The following LARGE1 variants were observed in gnomAD, a reference collection of about 807,000 sequenced individuals.
LARGE1 encodes the protein xylosyl- and glucuronyltransferase LARGE1.
In LARGE1, 43 loss-of-function variants were observed where a neutral mutation model predicts 87.6. That is an observed-to-expected ratio of 0.49 (90% confidence interval 0.38 to 0.63). The LOEUF (loss-of-function observed/expected upper bound fraction) is 0.63, where lower values mean the gene tolerates loss of function less well. Ranked by LOEUF, LARGE1 falls within the 30% of genes least tolerant of loss-of-function variation. The pLI, the probability that LARGE1 is intolerant of heterozygous loss-of-function variation, is 0.00. For missense variants in LARGE1, 802 were observed against 1,000.2 expected, an observed-to-expected ratio of 0.80 and a Z score of 2.67; for synonymous variants, 434 against 394.6, an observed-to-expected ratio of 1.10 and a Z score of -1.18.
At position 33,688,187 on chromosome 22, in the gene LARGE1, T is replaced by C. The variant is rs73882295; in HGVS notation, c.107-37519A>G. 5.7e-3 allele frequency among the ~76,000 whole-genome samples: 864 copies of C among 152,268 alleles called. 8 individuals are homozygous for C. Among genetic ancestry groups the C allele is most frequent in the African/African-American group, 0.02 (827 of 41,542 alleles). On this transcript the variant is annotated intron_variant, in intron 2 of 14. Coordinates refer to ENST00000397394, the MANE Select transcript of LARGE1 (RefSeq NM_133642.5). ...TCTATCTCAATGTCCACCTATAAAG[T>C]AGAGGTGAGAAGAGTCCCTCCCTCA...
In LARGE1 at chr22:33,469,273, A is replaced by C. The variant is rs188225420; in HGVS notation, c.788-37008T>G. On this transcript the variant is annotated intron_variant, in intron 6 of 14. Transcript: ENST00000397394. Reference sequence around the variant, plus strand: ...ACTATTCACAATAGCAAAGGCATGGAATCAACCTAGATGCCCATCAACAGT... The same window carrying C: ...ACTATTCACAATAGCAAAGGCATGGCATCAACCTAGATGCCCATCAACAGT... 3.3e-4 allele frequency among the ~76,000 whole-genome samples: 51 copies of C among 152,352 alleles called. No homozygotes were observed. In the East Asian group the frequency reaches 8.1e-3, roughly 24 times the overall value.
intron 2 of LARGE1, among the ~76,000 whole-genome samples, chr22:33,727,233 G>A (rs1326146762): frequency 6.6e-6 from 1 of 152,190 alleles, no homozygotes; most frequent in East Asian, 1.9e-4. Context: ...ATGTCAGACT[G>A]TGCCAAGGGA....
the LARGE1 span, among the ~76,000 whole-genome samples, chr22:33,144,748 A>G: frequency 6.6e-6 from 1 of 152,188 alleles, no homozygotes; most frequent in Non-Finnish European, 1.5e-5. Context: ...AGTATTCATC[A>G]TACATCTTTT....
At chr22:33,361,586 G>A (rs5998894) in intron 9 of LARGE1, among the ~76,000 whole-genome samples, 4,363 of 149,380 alleles carry the variant, frequency 0.029, 401 homozygotes, top group African/African-American at 0.1. Flanking sequence ...GGGGCTGAGG[G>A]GTAGTGTGAG....
At chr22:33,169,161 T>A (rs1339293184) in intron 11 of LARGE1, among the ~76,000 whole-genome samples, 1 of 152,230 alleles carries the variant, frequency 6.6e-6, no homozygotes, top group East Asian at 1.9e-4. Flanking sequence ...TTGTATAAGA[T>A]ATGATAAAGA....
At chr22:33,510,096 C>G (rs771062301) in intron 6 of LARGE1, among the ~76,000 whole-genome samples, 24 of 152,110 alleles carry the variant, frequency 1.6e-4, no homozygotes, top group Non-Finnish European at 2.6e-4. Flanking sequence ...GCTCATTATT[C>G]TACTTAATAA....
chr22:33,176,981 A>G (rs1358187343), intron 11 of LARGE1, among the ~76,000 whole-genome samples: 2 of 152,220 alleles, frequency 1.3e-5, no homozygotes, highest in Non-Finnish European at 2.9e-5. Context: ...GCAGCCATAA[A>G]AAAGGATGAG....
chr22:33,722,378 A>G (rs1397205315), intron 2 of LARGE1, among the ~76,000 whole-genome samples: 1 of 148,930 alleles, frequency 6.7e-6, no homozygotes, highest in Non-Finnish European at 1.5e-5. Flanking sequence ...AAGGAAAGGA[A>G]GGAAAGGAAG....
chr22:33,144,918 A>G, the LARGE1 span, among the ~76,000 whole-genome samples: 1 of 152,004 alleles, frequency 6.6e-6, no homozygotes, highest in Non-Finnish European at 1.5e-5. Context: ...CCAAGAAACA[A>G]CCTCTACAGT....
chr22:33,821,437 A>C (rs766590900), intron 1 of LARGE1, among the ~76,000 whole-genome samples: 3 of 152,188 alleles, frequency 2.0e-5, no homozygotes, highest in Non-Finnish European at 4.4e-5. Context: ...AGAGGCCATG[A>C]CTTACACTTC....
chr22:33,155,019 A>G, the LARGE1 span, among the ~76,000 whole-genome samples: 2 of 152,162 alleles, frequency 1.3e-5, no homozygotes, highest in Middle Eastern at 3.2e-3. Context: ...TTCACCTTCC[A>G]CCATGATTGT....
chr22:33,089,321 T>TTCTTTCTTCTTCTTCTTCTTCTTCTTC, the LARGE1 span, among the ~76,000 whole-genome samples: 57 of 87,086 alleles, frequency 6.5e-4, no homozygotes, highest in East Asian at 1.8e-3. Context: ...TTCTTTCTTC[T>TTCTTTCTTCTTCTTCTTCTTCTTCTTC]TTCTTCTTCT....
chr22:33,298,357 C>T (rs1050299164), intron 12 of LARGE1, among the ~76,000 whole-genome samples: 2 of 152,256 alleles, frequency 1.3e-5, no homozygotes, highest in Admixed American at 6.5e-5. Flanking sequence ...AGGCATGGAA[C>T]AAAGAATGTT....
In LARGE1 at chr22:33,703,863, T is replaced by C. The variant is rs1012885843; in HGVS notation, c.107-53195A>G. Among the ~76,000 whole-genome samples the C allele has an allele frequency of 5.9e-5, 9 of 152,378 alleles. 2 individuals are homozygous for C. The highest frequency in any genetic ancestry group is 6.5e-5 in the Admixed American group (1 of 15,308). ...TTTTAAGCCACTAAGTTTATGGTGA[T>C]TTGATACAGTAGCAACAGAAAACTA... On this transcript the variant is annotated intron_variant, in intron 2 of 14. Transcript: ENST00000397394.
At chr22:33,442,850 T>C (rs888594071) in intron 6 of LARGE1, among the ~76,000 whole-genome samples, 11 of 151,306 alleles carry the variant, frequency 7.3e-5, no homozygotes, top group Admixed American at 6.6e-4. Context: ...TGGAGTGCAG[T>C]GGCACTATCT....
At chr22:33,187,412 C>T (rs1923531942) in intron 11 of LARGE1, among the ~76,000 whole-genome samples, 1 of 152,042 alleles carries the variant, frequency 6.6e-6, no homozygotes, top group African/African-American at 2.4e-5. Context: ...TGCATGATCT[C>T]ACTTATATGT....
chr22:33,181,224 C>T (rs137367), intron 11 of LARGE1, among the ~76,000 whole-genome samples: 92,226 of 151,844 alleles, frequency 0.61, 28,205 homozygotes, highest in Middle Eastern at 0.68. Flanking sequence ...CTAAAATCAG[C>T]GGATAAAATT....
the LARGE1 span, among the ~76,000 whole-genome samples, chr22:33,067,135 C>A: frequency 6.6e-6 from 1 of 151,924 alleles, no homozygotes; most frequent in Non-Finnish European, 1.5e-5. Context: ...GAGAGCAGAG[C>A]TTAACTTCCA....
At position 33,895,641 on chromosome 22, in the gene LARGE1, C is replaced by T. The variant is rs1262483893; in HGVS notation, c.-83+24354G>A. ...AGGGGTCACCCTCTGCTCCTCAAAG[C>T]CACCCACAGTTCCTTGCCACATGGG... On this transcript the variant is annotated intron_variant, in intron 1 of 14. Transcript: ENST00000397394. Among the ~76,000 whole-genome samples the T allele has an allele frequency of 2.6e-5, 4 of 152,336 alleles. 1 individual carries two copies. Among genetic ancestry groups the T allele is most frequent in the Admixed American group, 2.6e-4 (4 of 15,300 alleles).
Sources: allele counts gnomAD v4.1 joint callset (sites outside exome capture counted in the v4.1 genomes callset), GRCh38; gene constraint gnomAD v4.1.1; transcripts MANE v1.5; gene names NCBI Gene and HGNC (gene_info 2026-07-23, HGNC 2026-07-21).